The following COL16A1 variants were observed in gnomAD, a reference collection of about 807,000 sequenced individuals.
The protein encoded by COL16A1 is collagen type XVI alpha 1 chain, also known as collagen alpha-1(XVI) chain.
COL16A1 carries 189 observed loss-of-function variants against 266.3 expected under a neutral mutation model. The observed-to-expected ratio is 0.71, with a 90% CI of 0.63 to 0.80. The LOEUF (loss-of-function observed/expected upper bound fraction) is 0.80, where lower values mean the gene tolerates loss of function less well. Ranked by LOEUF, COL16A1 falls within the 30% of genes least tolerant of loss-of-function variation. The probability of loss-of-function intolerance (pLI) is 0.00; values close to 1 mark genes in which losing one functional copy is unlikely to be tolerated. For missense variants in COL16A1, 1,928 were observed against 2,122.4 expected (o/e 0.91, Z 1.80); for synonymous variants, 740 against 782.3 (o/e 0.95, Z 0.90).
chr1:31,683,020 C>A lies in COL16A1; in HGVS notation c.2470-18G>T. 6.2e-7 allele frequency: 1 copy of A among 1,613,930 alleles called. No homozygotes were observed. Among genetic ancestry groups the A allele is most frequent in the Non-Finnish European group, 8.5e-7 (1 of 1,179,942 alleles). ...GGAGATCCCTGTGTAAGAGAAGGTA[C>A]AAAGGTCTCAGGGGCAGAATTGGAA... is the stretch of plus-strand genomic sequence containing the variant. On this transcript the variant is annotated intron_variant, in intron 36 of 70. Transcript: ENST00000373672.
intron 51 of COL16A1, among the ~76,000 whole-genome samples, chr1:31,667,914 G>A (rs1290843511): frequency 6.6e-6 from 1 of 152,172 alleles, no homozygotes; most frequent in African/African-American, 2.4e-5. Context: ...GCAGATCTCA[G>A]TTCTTGCTGT....
chr1:31,670,796 G>T lies in COL16A1; in HGVS notation c.3151-150C>A. ...GGAAAAGAGACTCCTTGAAAGTCTTGGCTCAAAAGACAACTGTTCCTCCCC... is the reference window on the plus strand; with the variant it reads ...GGAAAAGAGACTCCTTGAAAGTCTTTGCTCAAAAGACAACTGTTCCTCCCC... On this transcript the variant is annotated intron_variant, in intron 48 of 70. Transcript: ENST00000373672. This position sits in a 1 kb window ranked among gnomAD's most constrained non-coding sequence, Gnocchi z 4.5. The T allele has an allele frequency of 1.7e-6, 1 of 590,122 alleles. No homozygotes were observed. The highest frequency in any genetic ancestry group is 5.5e-5 in the South Asian group (1 of 18,274). The allele number at this position is 590,122 out of a possible 1,614,324, so 36.6% of individuals were successfully genotyped here.
At chr1:31,694,944 C>T (rs527750463) in intron 11 of COL16A1, among the ~76,000 whole-genome samples, 3 of 152,228 alleles carry the variant, frequency 2.0e-5, no homozygotes, top group Non-Finnish European at 4.4e-5. Flanking sequence ...ATCCCGTGCC[C>T]ATGCCCTGAA....
chr1:31,683,654 G>T, intron 34 of COL16A1, 53 bp downstream of exon 34: 2 of 1,610,288 alleles, frequency 1.2e-6, no homozygotes, highest in Non-Finnish European at 1.7e-6. Context: ...GAAGTAGGTA[G>T]CTGGCTAATG....
chr1:31,654,765 A>G (rs535660653), intron 68 of COL16A1, 27 bp downstream of exon 68: 1 of 1,613,964 alleles, frequency 6.2e-7, no homozygotes, highest in African/African-American at 1.3e-5. Flanking sequence ...GACAGCACCC[A>G]CTGCCACCCA....
In COL16A1 at chr1:31,692,608, G is replaced by A; in HGVS notation, c.1148C>T (p.Ser383Leu). 17 of 1,614,146 alleles carry A rather than the reference G, an allele frequency of 1.1e-5. No homozygotes were observed. Among genetic ancestry groups the A allele is most frequent in the Non-Finnish European group, 1.4e-5 (17 of 1,180,000 alleles). The change falls in exon 15 of 71, where the codon TCA becomes TTA. Residue 383 changes from serine to leucine, a missense_variant. Ser to Leu is a moderately radical substitution (Grantham distance 145). Transcript: ENST00000373672. ...AEGPKGEKGE[S>L]GALGPSGLPG... ...TGGTCCCACACTCACCAGAGCTCCT[G>A]ACTCCCCCTTCTCTCCCTTCGGGCC...
Position 31,663,987 on chromosome 1 carries a change from T to C in COL16A1, c.3555+1185A>G, listed in dbSNP as rs1020229227. On this transcript the variant is annotated intron_variant, in intron 56 of 70. Transcript: ENST00000373672. The surrounding 1 kb of genome is among the most constrained non-coding windows in gnomAD (Gnocchi z 4.9). ...AGACCCAGCAAAGGGGAAAATGAAC[T>C]CGGGGGCTCTGTAATGCCACCAGCC... Among the ~76,000 whole-genome samples, 1 of 152,046 alleles carries C rather than the reference T, an allele frequency of 6.6e-6. No homozygotes were observed. Among genetic ancestry groups the C allele is most frequent in the African/African-American group, 2.4e-5 (1 of 41,370 alleles).
chr1:31,697,833 A>C lies in COL16A1; in HGVS notation c.657+73T>G. On this transcript the variant is annotated intron_variant, in intron 6 of 70. Transcript: ENST00000373672. This position sits in a 1 kb window ranked among gnomAD's most constrained non-coding sequence, Gnocchi z 4.2. Reference sequence around the variant, plus strand: ...CTAAGCAGGAGAAGGACTTGTTCCGATACGGATTCCAGGAAGCCCACTCAG... The same window carrying C: ...CTAAGCAGGAGAAGGACTTGTTCCGCTACGGATTCCAGGAAGCCCACTCAG... The C allele has an allele frequency of 6.7e-7, 1 of 1,500,956 alleles. No individual in the cohort carries two copies. Among genetic ancestry groups the C allele is most frequent in the Non-Finnish European group, 8.9e-7 (1 of 1,118,594 alleles). The allele number at this position is 1,500,956 out of a possible 1,614,324, so 93.0% of individuals were successfully genotyped here. A position where few individuals can be genotyped will look rare whatever the true frequency, so the allele number is the denominator to read the frequency against.
chr1:31,670,995 G>A lies in COL16A1; in HGVS notation c.3151-349C>T, dbSNP rs1174689510. Reference sequence around the variant, plus strand: ...CGACCTCCACCTGTCCCCCGAGTGGGGGGCTCCCTGGCTCTAAGACAGCTC... The same window carrying A: ...CGACCTCCACCTGTCCCCCGAGTGGAGGGCTCCCTGGCTCTAAGACAGCTC... On this transcript the variant is annotated intron_variant, in intron 48 of 70. Transcript: ENST00000373672. The surrounding 1 kb of genome is among the most constrained non-coding windows in gnomAD (Gnocchi z 4.5). Among the ~76,000 whole-genome samples, 1 of 152,182 alleles carries A rather than the reference G, an allele frequency of 6.6e-6. No individual in the cohort carries two copies. Among genetic ancestry groups the A allele is most frequent in the Non-Finnish European group, 1.5e-5 (1 of 68,020 alleles).
chr1:31,656,736 C>T lies in COL16A1; in HGVS notation c.4057-292G>A, dbSNP rs1641191662. Reference sequence around the variant, plus strand: ...GGCATACTGGGGGGCCTGGAAAGACCTGGTACCCAGGAGATGTTTGTTTGG... The same window carrying T: ...GGCATACTGGGGGGCCTGGAAAGACTTGGTACCCAGGAGATGTTTGTTTGG... On this transcript the variant is annotated intron_variant, in intron 65 of 70. Coordinates refer to ENST00000373672, the MANE Select transcript of COL16A1 (RefSeq NM_001856.4). The surrounding 1 kb of genome is among the most constrained non-coding windows in gnomAD (Gnocchi z 4.2). 6.6e-6 allele frequency among the ~76,000 whole-genome samples: 1 copy of T among 151,824 alleles called. No homozygotes were observed. The highest frequency in any genetic ancestry group is 2.4e-5 in the African/African-American group (1 of 41,242).
chr1:31,696,519 G>A (rs1013264166), intron 8 of COL16A1, among the ~76,000 whole-genome samples: 1 of 152,244 alleles, frequency 6.6e-6, no homozygotes, highest in African/African-American at 2.4e-5. Flanking sequence ...AGCTGGCCAT[G>A]GTGCTGGGTG....
rs1029423997 is a variant in COL16A1 at position 31,698,703 on chromosome 1, C to T, written c.267-97G>A. On this transcript the variant is annotated intron_variant, in intron 4 of 70. Transcript: ENST00000373672. The surrounding 1 kb of genome is among the most constrained non-coding windows in gnomAD (Gnocchi z 4.1). Reference sequence around the variant, plus strand: ...GGACTGCTGAGCCTACCCAAGACATCCACAGGCACACATCTTCCATCATAT... The same window carrying T: ...GGACTGCTGAGCCTACCCAAGACATTCACAGGCACACATCTTCCATCATAT... The T allele has an allele frequency of 2.0e-6, 3 of 1,536,076 alleles. No homozygotes were observed. Among genetic ancestry groups the T allele is most frequent in the African/African-American group, 2.7e-5 (2 of 72,984 alleles).
chr1:31,693,340 T>C, intron 12 of COL16A1, 186 bp from the exon 13 acceptor site: 2 of 594,824 alleles, frequency 3.4e-6, no homozygotes, highest in Admixed American at 5.7e-5. Flanking sequence ...ATTCCACACC[T>C]GTTCATCCAC....
chr1:31,658,423 CT>C, intron 64 of COL16A1, 64 bp downstream of exon 64: 1 of 1,346,816 alleles, frequency 7.4e-7, no homozygotes, highest in Non-Finnish European at 1.0e-6. Context: ...TTGTGCTGTG[CT>C]CAACAGGCCT....
rs1373715433 is a variant in COL16A1, at chr1:31,679,665, T to C, written c.2739A>G (p.Gly913=). 2 of 1,613,916 alleles carry C rather than the reference T, an allele frequency of 1.2e-6. No homozygotes were observed. Among genetic ancestry groups the C allele is most frequent in the African/African-American group, 1.3e-5 (1 of 74,876 alleles). ...PGPQGPPGIP[G]PPGPPGVPGL... is the part of the protein sequence containing the mutation. ...CAGGTACTCCAGGGGGGCCTGGTGG[T>C]CCGGGAATACCTGGTGGACCCTGAG... Residue 913 remains glycine (G), a synonymous_variant, in exon 42 of 71, where the codon GGA becomes GGG. Transcript: ENST00000373672.
At position 31,685,531 on chromosome 1, in the gene COL16A1, C is replaced by G; in HGVS notation, c.2016+108G>C. ...CTCTGACCCCGCCACACCCTCCCCACTACCCCCAACTGCCCAGGGAGTCAA... is the reference window on the plus strand; with the variant it reads ...CTCTGACCCCGCCACACCCTCCCCAGTACCCCCAACTGCCCAGGGAGTCAA... On this transcript the variant is annotated intron_variant, in intron 29 of 70. Transcript: ENST00000373672. This position sits in a 1 kb window ranked among gnomAD's most constrained non-coding sequence, Gnocchi z 4.0. The G allele has an allele frequency of 3.8e-6, 5 of 1,331,470 alleles. No homozygotes were observed. The highest frequency in any genetic ancestry group is 5.2e-6 in the Non-Finnish European group (5 of 967,016). 82.5% of individuals were successfully genotyped at this position (1,331,470 alleles called of 1,614,324 possible).
intron 52 of COL16A1, chr1:31,666,340 G>A (rs1391083349): frequency 3.7e-6 from 2 of 534,368 alleles, no homozygotes; most frequent in Non-Finnish European, 6.6e-6. Context: ...CTCCAGCATA[G>A]CTCTGATTAT....
intron 44 of COL16A1, 54 bp downstream of exon 44, chr1:31,674,953 C>A: frequency 6.3e-7 from 1 of 1,598,838 alleles, no homozygotes; most frequent in Non-Finnish European, 8.5e-7. Context: ...CTAAGAGAAT[C>A]CCCTTAGGAG....
At position 31,692,086 on chromosome 1, in the gene COL16A1, G is replaced by A. The variant is rs1644297161; in HGVS notation, c.1195-19C>T. On this transcript the variant is annotated intron_variant, in intron 16 of 70. Transcript: ENST00000373672. ...TCTGGCCCTGGGGAAGGAAGAAGCA[G>A]AGTGACCAGGATGAGGGAAGGGCCT... The A allele has an allele frequency of 1.2e-6, 2 of 1,613,458 alleles. No individual in the cohort carries two copies. Among genetic ancestry groups the A allele is most frequent in the Admixed American group, 3.3e-5 (2 of 60,028 alleles).
Sources: allele counts gnomAD v4.1 joint callset (sites outside exome capture counted in the v4.1 genomes callset), GRCh38; gene constraint gnomAD v4.1.1; non-coding constraint Gnocchi (gnomAD v3.1); transcripts MANE v1.5; gene names NCBI Gene and HGNC (gene_info 2026-07-23, HGNC 2026-07-21).